CECR2: variants seen among roughly 807,000 people sequenced by gnomAD.
The protein encoded by CECR2 is chromatin remodeling regulator CECR2.
Under a neutral mutation model 154.5 loss-of-function variants are expected in CECR2, and 30 were observed. The observed-to-expected ratio is 0.19, with a 90% CI of 0.15 to 0.26. The LOEUF (loss-of-function observed/expected upper bound fraction) is 0.26, where lower values mean the gene tolerates loss of function less well. Among genes scored for constraint, CECR2 ranks in the 10% least tolerant of loss-of-function variants. The pLI is 1.00. For missense variants in CECR2, 1,743 were observed against 1,829.3 expected, an observed-to-expected ratio of 0.95 and a Z score of 0.86; for synonymous variants, 725 against 683.7, an observed-to-expected ratio of 1.06 and a Z score of -0.94.
chr22:17,469,898 G>T (rs889353615), intron 1 of CECR2, among the ~76,000 whole-genome samples: 2 of 152,136 alleles, frequency 1.3e-5, no homozygotes, highest in Non-Finnish European at 2.9e-5. Flanking sequence ...GCATGGAAAA[G>T]GTTACTGGTT....
chr22:17,387,943 T>G lies in CECR2; in HGVS notation c.126+18034T>G, dbSNP rs547315908. ...ATATTTGAGGTTTTAAGTTTTGAGT[T>G]TTTTTTTTGTTTGTTTTTTGTTTTG... On this transcript the variant is annotated intron_variant, in intron 1 of 18. Transcript: ENST00000262608. Among the ~76,000 whole-genome samples the G allele has an allele frequency of 4.0e-5, 6 of 151,408 alleles. No homozygotes were observed. In the East Asian group the frequency reaches 9.7e-4, roughly 24 times the overall value.
At chr22:17,474,200 C>T (rs1435706303) in intron 1 of CECR2, among the ~76,000 whole-genome samples, 1 of 152,146 alleles carries the variant, frequency 6.6e-6, no homozygotes, top group African/African-American at 2.4e-5. Context: ...TTCATCACCT[C>T]ACAAGTTAGC....
chr22:17,468,022 G>C (rs1283575137), intron 1 of CECR2, among the ~76,000 whole-genome samples: 1 of 152,194 alleles, frequency 6.6e-6, no homozygotes, highest in Non-Finnish European at 1.5e-5. Flanking sequence ...CTTGGTAGAA[G>C]GAGAGGGCAG....
At chr22:17,443,442 T>C (rs968648930) in intron 1 of CECR2, among the ~76,000 whole-genome samples, 1 of 152,074 alleles carries the variant, frequency 6.6e-6, no homozygotes, top group Non-Finnish European at 1.5e-5. Context: ...GCAGGAGTCT[T>C]AGAGACTCCC....
chr22:17,497,917 CTGAG>C lies in CECR2; in HGVS notation c.405+333_405+336del, dbSNP rs543550770. ...GCCAAACCTGCAACTAAATCCGCCACTGAGTTTTATTTTTCAGGGTGTAAATTTG... is the reference window on the plus strand; with the variant it reads ...GCCAAACCTGCAACTAAATCCGCCACTTTTATTTTTCAGGGTGTAAATTTG... On this transcript the variant is annotated intron_variant, in intron 3 of 18. Coordinates refer to ENST00000262608, the MANE Select transcript of CECR2 (RefSeq NM_001290047.2). 3.6e-3 allele frequency among the ~76,000 whole-genome samples: 547 copies of C among 152,300 alleles called. 1 individual carries two copies. Among genetic ancestry groups the C allele is most frequent in the South Asian group, 0.015 (71 of 4,830 alleles).
At chr22:17,454,285 T>G (rs1322673552) in intron 1 of CECR2, among the ~76,000 whole-genome samples, 1 of 135,980 alleles carries the variant, frequency 7.4e-6, no homozygotes, top group Non-Finnish European at 1.6e-5. Context: ...GATGACAGAG[T>G]GAGACCCTGT....
Position 17,499,415 on chromosome 22 carries a change from G to T in CECR2, c.411G>T (p.Leu137=). 1 of 1,613,452 alleles carries T rather than the reference G, an allele frequency of 6.2e-7. No homozygotes were observed. The highest frequency in any genetic ancestry group is 8.5e-7 in the Non-Finnish European group (1 of 1,179,640). Residue 137 remains leucine, a synonymous_variant, in exon 4 of 19, where the codon CTG becomes CTT. Coordinates refer to ENST00000262608, the MANE Select transcript of CECR2 (RefSeq NM_001290047.2). ...ADDVFDLLKG[L]DADSLRVEPL... Reference sequence around the variant, plus strand: ...CTTTTCCGTGCTCTGTGTAGGGCCTGGATGCAGACAGTCTCCGTGTGGAGC... The same window carrying T: ...CTTTTCCGTGCTCTGTGTAGGGCCTTGATGCAGACAGTCTCCGTGTGGAGC...
At chr22:17,496,865 A>C (rs897342925) in intron 2 of CECR2, among the ~76,000 whole-genome samples, 5 of 152,214 alleles carry the variant, frequency 3.3e-5, no homozygotes, top group Non-Finnish European at 1.5e-5. Context: ...CTTTAAAGTC[A>C]ACCTATTCTG....
intron 1 of CECR2, among the ~76,000 whole-genome samples, chr22:17,402,036 T>A (rs547915354): frequency 1.3e-5 from 2 of 152,258 alleles, no homozygotes; most frequent in South Asian, 4.1e-4. Context: ...CAGGCTAGAG[T>A]GCAGTAGCGC....
chr22:17,426,670 A>G (rs1037133064), intron 1 of CECR2, among the ~76,000 whole-genome samples: 4 of 152,038 alleles, frequency 2.6e-5, no homozygotes, highest in Non-Finnish European at 5.9e-5. Context: ...ATATTTTTTT[A>G]TTCTATAGCT....
intron 1 of CECR2, among the ~76,000 whole-genome samples, chr22:17,439,389 A>G (rs2054552011): frequency 6.6e-6 from 1 of 152,184 alleles, no homozygotes; most frequent in South Asian, 2.1e-4. Context: ...GTTCTAAGGC[A>G]TAAAAAAACA....
chr22:17,526,808 CAAAA>C (rs34800488), intron 9 of CECR2, among the ~76,000 whole-genome samples: 85 of 71,684 alleles, frequency 1.2e-3, no homozygotes, highest in African/African-American at 5.0e-3. Flanking sequence ...GACTCCATCT[CAAAA>C]AAAAAAAAAA....
chr22:17,542,838 G>C lies in CECR2; in HGVS notation c.2695G>C (p.Gly899Arg). 9 of 1,613,758 alleles carry C rather than the reference G, an allele frequency of 5.6e-6. No homozygotes were observed. Among genetic ancestry groups the C allele is most frequent in the Non-Finnish European group, 7.6e-6 (9 of 1,179,810 alleles). The change falls in exon 16 of 19, where the codon GGT (glycine) becomes CGT (arginine). Residue 899 changes from glycine (G) to arginine (R), a missense_variant. Gly to Arg is a moderately radical substitution (Grantham distance 125). Transcript: ENST00000262608. ...GCTCTCCTCCCGCGTCTGCCCCCCA[G>C]GTGTGCCTTACCACCCCCACCAGCC... ...QQLSSRVCPPGVPYHPHQPAH... is the reference protein window; with the variant it reads ...QQLSSRVCPPRVPYHPHQPAH...
At chr22:17,429,514 C>G (rs1173740752) in intron 1 of CECR2, among the ~76,000 whole-genome samples, 1 of 134,706 alleles carries the variant, frequency 7.4e-6, no homozygotes, top group Admixed American at 8.2e-5. Flanking sequence ...CCAGCCTGGC[C>G]AGTAGGGCAC....
intron 5 of CECR2, among the ~76,000 whole-genome samples, chr22:17,502,539 C>T (rs2055757443): frequency 6.6e-6 from 1 of 152,192 alleles, no homozygotes; most frequent in Non-Finnish European, 1.5e-5. Context: ...CACGGTGGCT[C>T]ACGCCTGTAA....
At chr22:17,464,407 C>T (rs1159533216) in intron 1 of CECR2, among the ~76,000 whole-genome samples, 1 of 152,204 alleles carries the variant, frequency 6.6e-6, no homozygotes, top group East Asian at 1.9e-4. Flanking sequence ...CTTTGCTCTG[C>T]CACCCCTCAC....
At chr22:17,362,307 G>A (rs983298706) in intron 1 of CECR2, among the ~76,000 whole-genome samples, 2 of 152,140 alleles carry the variant, frequency 1.3e-5, no homozygotes, top group South Asian at 2.1e-4. Context: ...GCCTCCGAAA[G>A]TGCTAGGATT....
chr22:17,421,486 G>A (rs1601329062), intron 1 of CECR2, among the ~76,000 whole-genome samples: 2 of 151,384 alleles, frequency 1.3e-5, no homozygotes, highest in African/African-American at 4.8e-5. Flanking sequence ...GTAGTGGCGG[G>A]CGCCTGTAGT....
chr22:17,530,791 A>T (rs767566724), intron 9 of CECR2, among the ~76,000 whole-genome samples: 15 of 152,206 alleles, frequency 9.9e-5, no homozygotes, highest in Non-Finnish European at 1.9e-4. Flanking sequence ...GGTGTTATTC[A>T]GCCTTAAGAG....
Sources: gnomAD v4.1 joint callset for allele counts (sites outside exome capture counted in the v4.1 genomes callset) on GRCh38, gnomAD v4.1.1 for gene constraint, MANE v1.5 for transcripts, NCBI Gene and HGNC (gene_info 2026-07-23, HGNC 2026-07-21) for gene names.